Variants in AFF2 observed in about 807,000 individuals in gnomAD.
AFF2 encodes AF4/FMR2 family member 2.
Under a neutral mutation model 76.9 loss-of-function variants are expected in AFF2, and 14 were observed. The observed-to-expected ratio is 0.18, with a 90% CI of 0.12 to 0.28. The LOEUF (loss-of-function observed/expected upper bound fraction) is 0.28, where lower values mean the gene tolerates loss of function less well. Among genes scored for constraint, AFF2 ranks in the 10% least tolerant of loss-of-function variants. The pLI, the probability that AFF2 is intolerant of heterozygous loss-of-function variation, is 1.00. For missense variants in AFF2, 868 were observed against 1,001.1 expected, an observed-to-expected ratio of 0.87 and a Z score of 1.79; for synonymous variants, 398 against 366.7, an observed-to-expected ratio of 1.09 and a Z score of -0.98.
intron 14 of AFF2, among the ~76,000 whole-genome samples, chrX:148,967,340 A>G (rs2072192721): frequency 9.0e-6 from 1 of 111,680 alleles, no homozygotes; most frequent in Non-Finnish European, 1.9e-5. Flanking sequence ...CCATGTCCTC[A>G]CATATAACCA....
At chrX:148,592,105 A>G (rs1271258071) in intron 1 of AFF2, among the ~76,000 whole-genome samples, 1 of 111,757 alleles carries the variant, frequency 8.9e-6, no homozygotes, top group African/African-American at 3.3e-5. Context: ...AACACCATCA[A>G]TCGAGCAGCT....
At chrX:148,771,218 G>A (rs1256932847) in intron 3 of AFF2, among the ~76,000 whole-genome samples, 5 of 111,720 alleles carry the variant, frequency 4.5e-5, no homozygotes, top group Non-Finnish European at 7.5e-5. Flanking sequence ...AGCCTTAGTC[G>A]TGAGTGAACT....
chrX:148,892,072 C>T (rs1397658646), intron 8 of AFF2, among the ~76,000 whole-genome samples: 2 of 111,585 alleles, frequency 1.8e-5, no homozygotes, highest in East Asian at 5.6e-4. Context: ...GAACACAAAA[C>T]ATTCTAATGT....
chrX:148,615,272 T>C (rs910174680), intron 1 of AFF2, among the ~76,000 whole-genome samples: 6 of 111,882 alleles, frequency 5.4e-5, no homozygotes, highest in Non-Finnish European at 9.4e-5. Flanking sequence ...GCCAAGGGCT[T>C]ACTCTCCTCA....
intron 2 of AFF2, among the ~76,000 whole-genome samples, chrX:148,652,915 A>G (rs1557256577): frequency 1.8e-5 from 2 of 112,316 alleles, no homozygotes; most frequent in African/African-American, 6.5e-5. Flanking sequence ...TTTCTGTAAT[A>G]AAAATGATGT....
chrX:148,640,631 A>G (rs2054078539), intron 1 of AFF2, among the ~76,000 whole-genome samples: 1 of 112,626 alleles, frequency 8.9e-6, no homozygotes, highest in South Asian at 3.7e-4. Context: ...TATAATACAC[A>G]AAACAATAAA....
chrX:148,569,176 TGAG>T (rs1307899548), intron 1 of AFF2, among the ~76,000 whole-genome samples: 12 of 109,995 alleles, frequency 1.1e-4, no homozygotes, highest in East Asian at 2.9e-4. Flanking sequence ...ATCATGATGA[TGAG>T]GAGGAGGAGG....
At chrX:148,886,867 C>T (rs2071165754) in intron 8 of AFF2, among the ~76,000 whole-genome samples, 1 of 112,275 alleles carries the variant, frequency 8.9e-6, no homozygotes, top group African/African-American at 3.2e-5. Flanking sequence ...ACTCGTATTT[C>T]AAGAGAGTTA....
chrX:148,539,545 A>T (rs2052828802), intron 1 of AFF2, among the ~76,000 whole-genome samples: 1 of 111,261 alleles, frequency 9.0e-6, no homozygotes, highest in Non-Finnish European at 1.9e-5. Context: ...ACTGGAAGCA[A>T]CATAGATCCA....
intron 3 of AFF2, among the ~76,000 whole-genome samples, chrX:148,745,788 G>A (rs990658306): frequency 9.0e-5 from 10 of 110,651 alleles, no homozygotes; most frequent in South Asian, 3.9e-4. Context: ...TGTCGCCAAC[G>A]CTGGGGTGTA....
intron 1 of AFF2, among the ~76,000 whole-genome samples, chrX:148,581,277 C>CGTATGTGTACACACATAT (rs2053382608): frequency 4.7e-3 from 2 of 425 alleles, no homozygotes; most frequent in African/African-American, 9.4e-3. Context: ...CACACATATA[C>CGTATGTGTACACACATAT]ACGTATATAC....
In AFF2 at chrX:148,962,232, G is replaced by A. The variant is rs373853908; in HGVS notation, c.2691-483G>A. Among the ~76,000 whole-genome samples the A allele has an allele frequency of 9.8e-5, 11 of 112,534 alleles. No homozygotes were observed. In the East Asian group the frequency reaches 1.4e-3, roughly 14 times the overall value. ...TGCATTATTTATTTCTAAGTAATGCGTAAGCATAATATTTCTTAAGAAAGT... is the reference window on the plus strand; with the variant it reads ...TGCATTATTTATTTCTAAGTAATGCATAAGCATAATATTTCTTAAGAAAGT... On this transcript the variant is annotated intron_variant, in intron 12 of 20. Coordinates refer to ENST00000370460, the MANE Select transcript of AFF2 (RefSeq NM_002025.4).
chrX:148,766,561 T>C (rs921333787), intron 3 of AFF2, among the ~76,000 whole-genome samples: 15 of 105,157 alleles, frequency 1.4e-4, no homozygotes, highest in African/African-American at 4.5e-4. Context: ...TGTTTGTTTT[T>C]TTCTTGTAAA....
At chrX:148,813,938 GT>G (rs2070233640) in intron 4 of AFF2, among the ~76,000 whole-genome samples, 1 of 112,303 alleles carries the variant, frequency 8.9e-6, no homozygotes, top group Non-Finnish European at 1.9e-5. Context: ...GAATTCAGGT[GT>G]CTTTGCTCCT....
chrX:148,501,109 C>T lies in AFF2; in HGVS notation c.12C>T (p.Phe4=). MDL[F]DFFRDWDLEQ... Reference sequence around the variant, plus strand: ...GCCGCCTGGCCGCTATGGATCTATTCGACTTTTTCAGAGACTGGGACTTGG... The same window carrying T: ...GCCGCCTGGCCGCTATGGATCTATTTGACTTTTTCAGAGACTGGGACTTGG... Residue 4 remains phenylalanine (F), a synonymous_variant, in exon 1 of 21, where the codon TTC becomes TTT. Coordinates refer to ENST00000370460, the MANE Select transcript of AFF2 (RefSeq NM_002025.4). The T allele has an allele frequency of 2.5e-6, 3 of 1,211,258 alleles. No homozygotes were observed. Among genetic ancestry groups the T allele is most frequent in the African/African-American group, 1.7e-5 (1 of 57,879 alleles).
chrX:148,788,387 C>T (rs1557269702), intron 3 of AFF2, among the ~76,000 whole-genome samples: 2 of 111,874 alleles, frequency 1.8e-5, no homozygotes, highest in Non-Finnish European at 3.8e-5. Context: ...CATAGAGCCA[C>T]GTATCAAGAA....
At chrX:148,670,643 C>G (rs986950836) in intron 3 of AFF2, among the ~76,000 whole-genome samples, 1 of 111,204 alleles carries the variant, frequency 9.0e-6, no homozygotes, top group South Asian at 3.8e-4. Flanking sequence ...TCCCTGTCAT[C>G]CTAGGAGACC....
At chrX:148,944,324 G>C (rs887691685) in intron 9 of AFF2, among the ~76,000 whole-genome samples, 2 of 111,693 alleles carry the variant, frequency 1.8e-5, no homozygotes, top group East Asian at 5.7e-4. Context: ...TAACTGATAT[G>C]ATTCCTTGTG....
At chrX:148,580,729 ATGTG>A (rs1180777360) in intron 1 of AFF2, among the ~76,000 whole-genome samples, 7 of 63,532 alleles carry the variant, frequency 1.1e-4, no homozygotes, top group Non-Finnish European at 1.7e-4. Flanking sequence ...ATATATATAT[ATGTG>A]TGTGTGTGTG....
Sources: allele counts gnomAD v4.1 joint callset (sites outside exome capture counted in the v4.1 genomes callset), GRCh38; gene constraint gnomAD v4.1.1; transcripts MANE v1.5; gene names NCBI Gene and HGNC (gene_info 2026-07-23, HGNC 2026-07-21).